NFIB: variants seen among roughly 807,000 people sequenced by gnomAD.
NFIB encodes the protein nuclear factor I B.
NFIB carries 11 observed loss-of-function variants against 61.5 expected under a neutral mutation model. The ratio of observed to expected loss-of-function variants is 0.18; its 90% CI spans 0.11 to 0.30. The LOEUF is 0.30. NFIB is among the 10% of genes least tolerant of loss of function. The pLI is 1.00. For synonymous variants in NFIB, 260 were observed against 216.5 expected, an observed-to-expected ratio of 1.20 and a Z score of -1.76; for missense variants, 471 against 608.9, an observed-to-expected ratio of 0.77 and a Z score of 2.38.
chr9:14,525,106 C>G, the NFIB span, among the ~76,000 whole-genome samples: 14 of 152,178 alleles, frequency 9.2e-5, no homozygotes, highest in Admixed American at 3.9e-4. Context: ...AAGAATTCAA[C>G]TACCTCCAAT....
chr9:14,195,077 G>A (rs1364981872), intron 2 of NFIB, among the ~76,000 whole-genome samples: 3 of 152,124 alleles, frequency 2.0e-5, no homozygotes, highest in Admixed American at 2.0e-4. Context: ...AAGGTCCCCA[G>A]AGAATGCTAA....
chr9:14,085,929 C>T lies in NFIB; in HGVS notation c.*2380G>A, dbSNP rs916589347. The T allele has an allele frequency of 9.2e-5, 21 of 227,560 alleles. No homozygotes were observed. Among genetic ancestry groups the T allele is most frequent in the African/African-American group, 3.8e-4 (17 of 45,016 alleles). The allele number at this position is 227,560 out of a possible 1,614,324, so 14.1% of individuals were successfully genotyped here. A position where few individuals can be genotyped will look rare whatever the true frequency, so the allele number is the denominator to read the frequency against. On this transcript the variant is annotated 3_prime_UTR_variant, in exon 11 of 11. Transcript: ENST00000380953. ...GTGGACATTTCAACAAATATTTTTG[C>T]CAAATATGAGACAGGCTCACTCTCC...
At chr9:14,368,188 G>C (rs1338423691) in intron 1 of NFIB, among the ~76,000 whole-genome samples, 1 of 151,736 alleles carries the variant, frequency 6.6e-6, no homozygotes, top group African/African-American at 2.4e-5. Context: ...AGGGAAACAA[G>C]TGGCTGGATG....
intron 6 of NFIB, among the ~76,000 whole-genome samples, chr9:14,127,169 G>A (rs889266199): frequency 6.6e-6 from 1 of 152,170 alleles, no homozygotes; most frequent in Non-Finnish European, 1.5e-5. Context: ...ATTAAGCAAT[G>A]TAGACTGTCA....
At chr9:14,235,844 C>T (rs1419749052) in intron 2 of NFIB, among the ~76,000 whole-genome samples, 1 of 152,190 alleles carries the variant, frequency 6.6e-6, no homozygotes, top group Non-Finnish European at 1.5e-5. Context: ...AGAAACACCA[C>T]TTATCCCCAA....
At chr9:14,426,890 C>T in the NFIB span, among the ~76,000 whole-genome samples, 7 of 152,180 alleles carry the variant, frequency 4.6e-5, no homozygotes, top group Non-Finnish European at 8.8e-5. Flanking sequence ...TCAGACCTCA[C>T]TGCACTGGAG....
At chr9:14,164,250 A>C (rs1392086486) in intron 3 of NFIB, among the ~76,000 whole-genome samples, 1 of 152,132 alleles carries the variant, frequency 6.6e-6, no homozygotes, top group East Asian at 1.9e-4. Context: ...GAATGGCTTA[A>C]TGGCAGGGAC....
intron 10 of NFIB, among the ~76,000 whole-genome samples, chr9:14,088,811 T>C (rs771255226): frequency 5.9e-5 from 9 of 152,122 alleles, no homozygotes; most frequent in African/African-American, 1.9e-4. Context: ...TTGAATACAA[T>C]TGAAAAGTAC....
intron 2 of NFIB, among the ~76,000 whole-genome samples, chr9:14,304,409 A>T (rs2059913701): frequency 6.6e-6 from 1 of 152,234 alleles, no homozygotes; most frequent in Admixed American, 6.5e-5. Flanking sequence ...CTAGATCTGG[A>T]AATTGTCAAT....
At chr9:14,304,775 C>A (rs2059932014) in intron 2 of NFIB, among the ~76,000 whole-genome samples, 1 of 152,234 alleles carries the variant, frequency 6.6e-6, no homozygotes. Flanking sequence ...AGCCCTCTAA[C>A]TGACCGGAGA....
chr9:14,334,512 G>A lies in NFIB; in HGVS notation c.109-26992C>T, dbSNP rs921240504. Among the ~76,000 whole-genome samples, 20 of 152,042 alleles carry A rather than the reference G, an allele frequency of 1.3e-4. No homozygotes were observed. The South Asian group carries it at 1.9e-3, about 14-fold the overall frequency. ...AAATGTCTGTTCAAATATTTTTCCCGTTTTTATTTGCACTCTTCTACCTTT... is the reference window on the plus strand; with the variant it reads ...AAATGTCTGTTCAAATATTTTTCCCATTTTTATTTGCACTCTTCTACCTTT... On this transcript the variant is annotated intron_variant, in intron 1 of 8. Coordinates refer to the NFIB transcript ENST00000380934.
rs979908849 is a variant in NFIB at position 14,313,117 on chromosome 9, G to A, written c.30+365C>T. 1.3e-5 allele frequency among the ~76,000 whole-genome samples: 2 copies of A among 152,174 alleles called. No homozygotes were observed. The highest frequency in any genetic ancestry group is 2.9e-5 in the Non-Finnish European group (2 of 68,026). ...CTCCAAAGCCCGAGTCCACCTCAACGCGCGAGCTGCTGAGAGGGGCTACGG... is the reference window on the plus strand; with the variant it reads ...CTCCAAAGCCCGAGTCCACCTCAACACGCGAGCTGCTGAGAGGGGCTACGG... On this transcript the variant is annotated intron_variant, in intron 1 of 10. Coordinates refer to ENST00000380953, the MANE Select transcript of NFIB (RefSeq NM_001190737.2). The surrounding 1 kb of genome is among the most constrained non-coding windows in gnomAD (Gnocchi z 4.5).
chr9:14,314,487 C>G (rs189661128), upstream of NFIB: 2 of 152,436 alleles, frequency 1.3e-5, no homozygotes, highest in Admixed American at 1.3e-4. Context: ...CTTTTCTGCT[C>G]TAGGCTCTTT....
chr9:14,267,930 C>G (rs2057330190), intron 2 of NFIB, among the ~76,000 whole-genome samples: 2 of 152,076 alleles, frequency 1.3e-5, no homozygotes, highest in Admixed American at 6.5e-5. Flanking sequence ...GTCAGGAGTT[C>G]AAGACCAGCC....
chr9:14,270,079 T>A (rs1433213302), intron 2 of NFIB, among the ~76,000 whole-genome samples: 1 of 152,166 alleles, frequency 6.6e-6, no homozygotes, highest in Non-Finnish European at 1.5e-5. Context: ...CAATGAAAGT[T>A]ACATGACCTT....
chr9:14,480,303 A>G, the NFIB span, among the ~76,000 whole-genome samples: 15 of 152,136 alleles, frequency 9.9e-5, no homozygotes, highest in African/African-American at 3.6e-4. Flanking sequence ...CCTAGGCCTG[A>G]GCTTTTTAGC....
chr9:14,371,315 T>A (rs1266562503), intron 1 of NFIB, among the ~76,000 whole-genome samples: 1 of 152,220 alleles, frequency 6.6e-6, no homozygotes, highest in Non-Finnish European at 1.5e-5. Flanking sequence ...TATAAAGAAC[T>A]GTAATACTAA....
the NFIB span, among the ~76,000 whole-genome samples, chr9:14,502,855 C>T: frequency 1.3e-5 from 2 of 152,044 alleles, no homozygotes; most frequent in Non-Finnish European, 2.9e-5. Flanking sequence ...ACACTGTACC[C>T]AGTGTGTAGT....
the NFIB span, among the ~76,000 whole-genome samples, chr9:14,474,580 C>G: frequency 6.6e-6 from 1 of 152,308 alleles, no homozygotes; most frequent in East Asian, 1.9e-4. Flanking sequence ...AGTCCAAAGT[C>G]TCATCTAAAT....
Sources: allele counts gnomAD v4.1 joint callset (sites outside exome capture counted in the v4.1 genomes callset), GRCh38; gene constraint gnomAD v4.1.1; non-coding constraint Gnocchi (gnomAD v3.1); transcripts MANE v1.5; gene names NCBI Gene and HGNC (gene_info 2026-07-23, HGNC 2026-07-21).